ASIC2: variants seen among roughly 807,000 people sequenced by gnomAD.
The protein encoded by ASIC2 is acid-sensing ion channel 2.
A neutral mutation model predicts 57.3 loss-of-function variants in ASIC2; 25 were observed. The observed-to-expected ratio is 0.44, with a 90% CI of 0.32 to 0.61. ASIC2 has a LOEUF of 0.61. ASIC2 is among the 20% of genes least tolerant of loss of function. The probability of loss-of-function intolerance (pLI) is 0.06; values close to 1 mark genes in which losing one functional copy is unlikely to be tolerated. For missense variants in ASIC2, 641 were observed against 738.1 expected, an observed-to-expected ratio of 0.87 and a Z score of 1.52; for synonymous variants, 319 against 307.5, an observed-to-expected ratio of 1.04 and a Z score of -0.39.
intron 1 of ASIC2, among the ~76,000 whole-genome samples, chr17:33,727,679 T>C (rs1051099652): frequency 1.4e-4 from 21 of 152,150 alleles, no homozygotes; most frequent in Admixed American, 4.6e-4. Flanking sequence ...CCTGAGGCCT[T>C]CCCAGAAGCC....
chr17:34,114,618 T>G (rs2142113948), intron 1 of ASIC2, among the ~76,000 whole-genome samples: 1 of 152,330 alleles, frequency 6.6e-6, no homozygotes, highest in South Asian at 2.1e-4. Context: ...GTACTACAAT[T>G]TGCCCAATAC....
intron 3 of ASIC2, among the ~76,000 whole-genome samples, chr17:33,057,473 G>A (rs1209257661): frequency 6.6e-6 from 1 of 152,202 alleles, no homozygotes; most frequent in Non-Finnish European, 1.5e-5. Context: ...CCAGGGAGGT[G>A]GACCTGAACA....
chr17:33,888,087 AC>A (rs1914873007), intron 1 of ASIC2, among the ~76,000 whole-genome samples: 1 of 152,148 alleles, frequency 6.6e-6, no homozygotes, highest in African/African-American at 2.4e-5. Context: ...TTTTTTACTT[AC>A]AATATTTTTG....
chr17:33,196,317 CGA>C, intron 1 of ASIC2, among the ~76,000 whole-genome samples: 1 of 151,118 alleles, frequency 6.6e-6, no homozygotes, highest in Non-Finnish European at 1.5e-5. Flanking sequence ...ATGATGATGA[CGA>C]TGATGATGAT....
intron 1 of ASIC2, among the ~76,000 whole-genome samples, chr17:33,539,629 C>T (rs550986399): frequency 6.6e-6 from 1 of 152,264 alleles, no homozygotes; most frequent in Non-Finnish European, 1.5e-5. Flanking sequence ...AACCCAGCCC[C>T]TGTGCCTGGG....
At chr17:33,670,265 A>C (rs1907602722) in intron 1 of ASIC2, among the ~76,000 whole-genome samples, 1 of 152,162 alleles carries the variant, frequency 6.6e-6, no homozygotes, top group South Asian at 2.1e-4. Flanking sequence ...CCTCCACTGC[A>C]CCGTCAAATG....
chr17:33,027,794 T>G (rs1449672477), intron 4 of ASIC2, among the ~76,000 whole-genome samples: 1 of 152,250 alleles, frequency 6.6e-6, no homozygotes, highest in East Asian at 1.9e-4. Context: ...AGAGGTGTCA[T>G]TATGTGCACA....
intron 1 of ASIC2, among the ~76,000 whole-genome samples, chr17:33,668,070 A>G (rs944649117): frequency 6.6e-6 from 1 of 152,090 alleles, no homozygotes; most frequent in African/African-American, 2.4e-5. Flanking sequence ...TTTTGCATAC[A>G]TATGAGGTAG....
chr17:33,617,155 T>G (rs1905632529), intron 1 of ASIC2, among the ~76,000 whole-genome samples: 1 of 152,242 alleles, frequency 6.6e-6, no homozygotes, highest in African/African-American at 2.4e-5. Flanking sequence ...AGCAATCCCA[T>G]TATTGGGTAG....
chr17:33,318,276 T>G (rs1424132449), intron 1 of ASIC2, among the ~76,000 whole-genome samples: 1 of 152,174 alleles, frequency 6.6e-6, no homozygotes, highest in East Asian at 1.9e-4. Flanking sequence ...TAACAAAGCC[T>G]ATTCTTAGGA....
chr17:33,102,074 G>C (rs748040015), intron 2 of ASIC2, among the ~76,000 whole-genome samples: 73 of 152,076 alleles, frequency 4.8e-4, no homozygotes, highest in Admixed American at 4.0e-3. Context: ...CTGTTGTCCT[G>C]GTTCTTCTCT....
chr17:33,470,436 A>G (rs1377804063), intron 1 of ASIC2, among the ~76,000 whole-genome samples: 8 of 152,018 alleles, frequency 5.3e-5, no homozygotes, highest in Non-Finnish European at 1.0e-4. Flanking sequence ...AATATACTAA[A>G]CCATTTCCTC....
intron 1 of ASIC2, among the ~76,000 whole-genome samples, chr17:33,528,240 A>G (rs1208215695): frequency 6.9e-6 from 1 of 143,890 alleles, no homozygotes; most frequent in Non-Finnish European, 1.5e-5. Context: ...GTGGACTTGC[A>G]GTACTGCTTC....
chr17:33,099,754 A>T (rs924207464), intron 2 of ASIC2, among the ~76,000 whole-genome samples: 1 of 152,162 alleles, frequency 6.6e-6, no homozygotes, highest in East Asian at 1.9e-4. Flanking sequence ...AATTATAGGG[A>T]AAGTTGGTGG....
chr17:34,142,306 G>C (rs1399403481), intron 1 of ASIC2, among the ~76,000 whole-genome samples: 1 of 152,108 alleles, frequency 6.6e-6, no homozygotes, highest in Non-Finnish European at 1.5e-5. Context: ...AAATACAAGG[G>C]AACACAGTCC....
At chr17:33,504,315 G>T (rs1914185414) in intron 1 of ASIC2, among the ~76,000 whole-genome samples, 1 of 152,124 alleles carries the variant, frequency 6.6e-6, no homozygotes, top group South Asian at 2.1e-4. Flanking sequence ...CTTTACTATT[G>T]ACTTAGCCTG....
intron 1 of ASIC2, among the ~76,000 whole-genome samples, chr17:33,783,810 T>C (rs1911525954): frequency 6.6e-6 from 1 of 152,232 alleles, no homozygotes; most frequent in East Asian, 1.9e-4. Context: ...TGTGCCCACT[T>C]TAGACCTCAG....
At chr17:33,867,731 C>A (rs1363095844) in intron 1 of ASIC2, among the ~76,000 whole-genome samples, 2 of 152,188 alleles carry the variant, frequency 1.3e-5, no homozygotes, top group African/African-American at 4.8e-5. Context: ...GCTGCTCTGG[C>A]AACTGCTTGA....
intron 1 of ASIC2, among the ~76,000 whole-genome samples, chr17:33,813,271 T>C (rs1912479012): frequency 6.6e-6 from 1 of 152,040 alleles, no homozygotes; most frequent in African/African-American, 2.4e-5. Flanking sequence ...AAGGAACAAG[T>C]CTGCCTAAGC....
Sources: allele counts gnomAD v4.1 joint callset (sites outside exome capture counted in the v4.1 genomes callset), GRCh38; gene constraint gnomAD v4.1.1; transcripts MANE v1.5; gene names NCBI Gene and HGNC (gene_info 2026-07-23, HGNC 2026-07-21).